The following ZHX2 variants were observed in gnomAD, a reference collection of about 807,000 sequenced individuals.
ZHX2 encodes zinc fingers and homeoboxes 2.
ZHX2 carries 6 observed loss-of-function variants against 21.9 expected under a neutral mutation model. The ratio of observed to expected loss-of-function variants is 0.27; its 90% confidence interval spans 0.15 to 0.54. The LOEUF (loss-of-function observed/expected upper bound fraction) is 0.54. ZHX2 is among the 20% of genes least tolerant of loss of function. The pLI is 0.95. For missense variants in ZHX2, 908 were observed against 1,090.7 expected (o/e 0.83, Z 2.36); for synonymous variants, 434 against 437.1 (o/e 0.99, Z 0.09).
intron 2 of ZHX2, among the ~76,000 whole-genome samples, chr8:122,881,789 A>G (rs1326382557): frequency 6.6e-6 from 1 of 152,114 alleles, no homozygotes; most frequent in African/African-American, 2.4e-5. Context: ...TGCTTTTCCA[A>G]GCTACTTGAC....
rs1352725579 is a variant in ZHX2 at position 122,896,914 on chromosome 8, A to G, written c.-220+33375A>G. On this transcript the variant is annotated intron_variant, in intron 2 of 3. Transcript: ENST00000314393. ...AAATGTAGATGATGTGTCCAAACTCAGAAAAGTTGTTTAACTTTCAACAGC... is the reference window on the plus strand; with the variant it reads ...AAATGTAGATGATGTGTCCAAACTCGGAAAAGTTGTTTAACTTTCAACAGC... 2.0e-5 allele frequency among the ~76,000 whole-genome samples: 3 copies of G among 152,260 alleles called. No individual in the cohort carries two copies. The East Asian group carries it at 5.8e-4, about 29-fold the overall frequency.
chr8:122,955,070 G>A (rs1033464162), intron 3 of ZHX2, among the ~76,000 whole-genome samples: 1 of 75,858 alleles, frequency 1.3e-5, no homozygotes, highest in African/African-American at 8.7e-5. Flanking sequence ...CACATAAGCC[G>A]GGGGGGGGGG....
At chr8:122,916,326 C>T (rs925219420) in intron 2 of ZHX2, among the ~76,000 whole-genome samples, 6 of 152,138 alleles carry the variant, frequency 3.9e-5, no homozygotes, top group Non-Finnish European at 8.8e-5. Flanking sequence ...TTTGAGCCAT[C>T]GAGGCTGAGA....
intron 2 of ZHX2, among the ~76,000 whole-genome samples, chr8:122,894,625 A>C (rs1820054166): frequency 6.6e-6 from 1 of 152,196 alleles, no homozygotes; most frequent in African/African-American, 2.4e-5. Flanking sequence ...GAAAGGGAAC[A>C]TCATACACCA....
At chr8:122,791,308 C>T (rs1226702101) in intron 1 of ZHX2, among the ~76,000 whole-genome samples, 2 of 152,202 alleles carry the variant, frequency 1.3e-5, no homozygotes, top group East Asian at 3.9e-4. Context: ...CAGAACTCGA[C>T]ACAGATCTTT....
intron 2 of ZHX2, among the ~76,000 whole-genome samples, chr8:122,898,924 A>G (rs913925649): frequency 6.6e-6 from 1 of 152,192 alleles, no homozygotes; most frequent in Non-Finnish European, 1.5e-5. Context: ...GCTGTTATTC[A>G]GCAGAACCCA....
intron 2 of ZHX2, among the ~76,000 whole-genome samples, chr8:122,903,494 A>C (rs891892742): frequency 1.3e-5 from 2 of 152,232 alleles, no homozygotes; most frequent in African/African-American, 4.8e-5. Context: ...GAACGTGGGC[A>C]TTGAGAAATG....
intron 1 of ZHX2, among the ~76,000 whole-genome samples, chr8:122,822,275 A>G (rs1177347909): frequency 6.6e-6 from 1 of 152,176 alleles, no homozygotes; most frequent in Non-Finnish European, 1.5e-5. Flanking sequence ...CAAGACCTCC[A>G]CTTGGGTTGC....
At chr8:122,796,543 A>G (rs895363076) in intron 1 of ZHX2, among the ~76,000 whole-genome samples, 3 of 152,226 alleles carry the variant, frequency 2.0e-5, no homozygotes, top group Admixed American at 1.3e-4. Flanking sequence ...GTAATAGAAT[A>G]GCAGACCATT....
Position 122,782,551 on chromosome 8 carries a change from C to T in ZHX2, c.-283+605C>T, listed in dbSNP as rs1281198698. Among the ~76,000 whole-genome samples the T allele has an allele frequency of 6.6e-6, 1 of 152,152 alleles. No individual in the cohort carries two copies. The highest frequency in any genetic ancestry group is 1.5e-5 in the Non-Finnish European group (1 of 68,004). ...CTCCCCTCTCCCGGTGACGATTCGC[C>T]GTAATGTGGTGGCAGGAAGCATGAC... On this transcript the variant is annotated intron_variant, in intron 1 of 3. Transcript: ENST00000314393. This position sits in a 1 kb window ranked among gnomAD's most constrained non-coding sequence, Gnocchi z 5.3.
chr8:122,944,467 G>C (rs1037624329), intron 2 of ZHX2, among the ~76,000 whole-genome samples: 1 of 151,960 alleles, frequency 6.6e-6, no homozygotes, highest in African/African-American at 2.4e-5. Context: ...TCTCTGTTTC[G>C]TAAACTCTTT....
intron 2 of ZHX2, among the ~76,000 whole-genome samples, chr8:122,901,937 G>T (rs1820239266): frequency 6.6e-6 from 1 of 151,966 alleles, no homozygotes; most frequent in Non-Finnish European, 1.5e-5. Flanking sequence ...TGAAAAATAT[G>T]CTCCAGTAGA....
At chr8:122,868,895 G>A (rs950590301) in intron 2 of ZHX2, among the ~76,000 whole-genome samples, 2 of 152,116 alleles carry the variant, frequency 1.3e-5, no homozygotes, top group African/African-American at 4.8e-5. Flanking sequence ...AAATCTATGC[G>A]AAGCAGGGAG....
intron 2 of ZHX2, among the ~76,000 whole-genome samples, chr8:122,910,880 C>T (rs536504915): frequency 3.3e-5 from 5 of 152,304 alleles, no homozygotes; most frequent in East Asian, 1.9e-4. Context: ...AAACAAAAAA[C>T]GATTAAGAAT....
At chr8:122,911,514 G>A (rs1245692475) in intron 2 of ZHX2, among the ~76,000 whole-genome samples, 3 of 152,192 alleles carry the variant, frequency 2.0e-5, no homozygotes, top group Admixed American at 2.0e-4. Context: ...GGTTTCATGG[G>A]AAGGGAAGAG....
At chr8:122,933,556 AG>A (rs1488259684) in intron 2 of ZHX2, among the ~76,000 whole-genome samples, 2 of 152,154 alleles carry the variant, frequency 1.3e-5, no homozygotes, top group Non-Finnish European at 2.9e-5. Context: ...TTCCACACGG[AG>A]AAAGAATACT....
chr8:122,929,175 G>C (rs1384267834), intron 2 of ZHX2, among the ~76,000 whole-genome samples: 3 of 152,176 alleles, frequency 2.0e-5, no homozygotes, highest in Non-Finnish European at 4.4e-5. Flanking sequence ...CACCACCCGT[G>C]TAACACCAGG....
intron 1 of ZHX2, among the ~76,000 whole-genome samples, chr8:122,844,978 C>T (rs553639740): frequency 9.1e-4 from 139 of 152,238 alleles, no homozygotes; most frequent in African/African-American, 3.1e-3. Context: ...TGCCTAATAC[C>T]CCCTGCCCAA....
chr8:122,946,810 T>G (rs1233140571), intron 2 of ZHX2, among the ~76,000 whole-genome samples: 28 of 152,144 alleles, frequency 1.8e-4, no homozygotes, highest in Admixed American at 1.8e-3. Flanking sequence ...AGAGTCTCCC[T>G]TCCCTTACAG....
Sources: gnomAD v4.1 joint callset for allele counts (sites outside exome capture counted in the v4.1 genomes callset) on GRCh38, gnomAD v4.1.1 for gene constraint, Gnocchi (gnomAD v3.1) non-coding constraint, MANE v1.5 for transcripts, NCBI Gene and HGNC (gene_info 2026-07-23, HGNC 2026-07-21) for gene names.